The following PARN variants were observed in gnomAD, a reference collection of about 807,000 sequenced individuals.
The protein encoded by PARN is poly(A)-specific ribonuclease.
A neutral mutation model predicts 102.8 loss-of-function variants in PARN; 71 were observed. That is an observed-to-expected ratio of 0.69 (90% confidence interval 0.57 to 0.84). PARN has a LOEUF of 0.84. PARN is among the 40% of genes least tolerant of loss of function. PARN has a pLI of 0.00. For synonymous variants in PARN, 261 were observed against 252.9 expected (o/e 1.03, Z -0.30); for missense variants, 782 against 760.9 (o/e 1.03, Z -0.33).
chr16:14,491,780 A>G (rs917592913), intron 21 of PARN, among the ~76,000 whole-genome samples: 1 of 152,244 alleles, frequency 6.6e-6, no homozygotes, highest in African/African-American at 2.4e-5. Context: ...TCAAAAAAAA[A>G]GGAAAATAAA....
At chr16:14,563,784 G>A (rs1486101380) in intron 18 of PARN, among the ~76,000 whole-genome samples, 3 of 150,930 alleles carry the variant, frequency 2.0e-5, no homozygotes, top group Non-Finnish European at 4.4e-5. Context: ...ATTAGTAAAT[G>A]AAATAGACAC....
intron 23 of PARN, among the ~76,000 whole-genome samples, chr16:14,441,362 A>C (rs1387334159): frequency 1.3e-5 from 2 of 152,220 alleles, no homozygotes; most frequent in African/African-American, 4.8e-5. Context: ...CCTTTACCTA[A>C]CTGGAGTTGA....
chr16:14,560,514 C>T (rs190689557), intron 18 of PARN, among the ~76,000 whole-genome samples: 1 of 152,294 alleles, frequency 6.6e-6, no homozygotes, highest in Admixed American at 6.5e-5. Context: ...GCTAATTTTA[C>T]AAAAGAATTC....
At chr16:14,599,795 C>A in intron 12 of PARN, 109 bp downstream of exon 12, 2 of 667,270 alleles carry the variant, frequency 3.0e-6, no homozygotes, top group South Asian at 2.2e-5. Context: ...TTAGAATGTT[C>A]TAGGTAAACA....
intron 6 of PARN, among the ~76,000 whole-genome samples, chr16:14,613,713 T>C (rs952894150): frequency 1.3e-5 from 2 of 152,198 alleles, no homozygotes; most frequent in Admixed American, 1.3e-4. Context: ...CGATAATTGC[T>C]TAAAGCAAGA....
intron 19 of PARN, among the ~76,000 whole-genome samples, chr16:14,554,494 A>G (rs1783304819): frequency 6.6e-6 from 1 of 151,764 alleles, no homozygotes; most frequent in African/African-American, 2.4e-5. Flanking sequence ...ACAGTGGCAC[A>G]ATAATAGCTC....
intron 3 of PARN, 37 bp downstream of exon 3, chr16:14,628,135 A>G (rs1426408887): frequency 8.6e-7 from 1 of 1,168,988 alleles, no homozygotes; most frequent in Non-Finnish European, 1.3e-6. Flanking sequence ...GAAGACTAAC[A>G]TGAGAAAGAA....
chr16:14,607,219 A>G (rs562999825), intron 9 of PARN, among the ~76,000 whole-genome samples: 8 of 151,506 alleles, frequency 5.3e-5, no homozygotes, highest in African/African-American at 1.9e-4. Context: ...TTATTTATTT[A>G]TTTTTTTGAG....
chr16:14,498,852 T>C (rs1054908871), intron 21 of PARN, among the ~76,000 whole-genome samples: 1 of 152,234 alleles, frequency 6.6e-6, no homozygotes, highest in African/African-American at 2.4e-5. Context: ...ATTTTTATTT[T>C]CCACATCAAT....
chr16:14,630,238 C>A lies in PARN; in HGVS notation c.-113G>T. 2.1e-6 allele frequency: 2 copies of A among 933,604 alleles called. No homozygotes were observed. The highest frequency in any genetic ancestry group is 2.7e-5 in the Admixed American group (1 of 37,730). The allele number at this position is 933,604 out of a possible 1,614,324, so 57.8% of individuals were successfully genotyped here. A position where few individuals can be genotyped will look rare whatever the true frequency, so the allele number is the denominator to read the frequency against. On this transcript the variant is annotated 5_prime_UTR_variant, in exon 1 of 24. Coordinates refer to ENST00000437198, the MANE Select transcript of PARN (RefSeq NM_002582.4). ...GTAGCTGAGGCAGCCGCAGCGGTGACGCCGGCCGCGACTTCCGGAAACAGC... is the reference window on the plus strand; with the variant it reads ...GTAGCTGAGGCAGCCGCAGCGGTGAAGCCGGCCGCGACTTCCGGAAACAGC...
intron 22 of PARN, among the ~76,000 whole-genome samples, chr16:14,460,473 C>T (rs914738255): frequency 6.6e-6 from 1 of 152,196 alleles, no homozygotes; most frequent in African/African-American, 2.4e-5. Context: ...GTATTCTACA[C>T]TCGTACTCCT....
intron 21 of PARN, among the ~76,000 whole-genome samples, chr16:14,502,916 G>C (rs186834173): frequency 2.2e-3 from 334 of 152,250 alleles, no homozygotes; most frequent in Non-Finnish European, 3.1e-3. Context: ...TTTTACCAGA[G>C]ATCAGGGAGG....
At chr16:14,445,153 G>A (rs1384423109) in intron 23 of PARN, among the ~76,000 whole-genome samples, 1 of 151,912 alleles carries the variant, frequency 6.6e-6, no homozygotes, top group Non-Finnish European at 1.5e-5. Flanking sequence ...GTCAGGGAAA[G>A]GACAGGAGGT....
At chr16:14,494,038 T>TTCAA (rs1964187083) in intron 21 of PARN, among the ~76,000 whole-genome samples, 1 of 152,196 alleles carries the variant, frequency 6.6e-6, no homozygotes, top group Admixed American at 6.5e-5. Flanking sequence ...CAGATTATTT[T>TTCAA]TCAACCCAAC....
At chr16:14,480,462 T>C (rs1963317117) in intron 22 of PARN, among the ~76,000 whole-genome samples, 1 of 152,180 alleles carries the variant, frequency 6.6e-6, no homozygotes, top group Admixed American at 6.5e-5. Flanking sequence ...CCAGACTACA[T>C]ACAAGAACTA....
chr16:14,494,211 T>A (rs1964196510), intron 21 of PARN, among the ~76,000 whole-genome samples: 1 of 152,214 alleles, frequency 6.6e-6, no homozygotes, highest in African/African-American at 2.4e-5. Flanking sequence ...AATGAACGCC[T>A]GTATATTTCA....
intron 18 of PARN, among the ~76,000 whole-genome samples, chr16:14,572,195 G>C (rs1285525512): frequency 6.6e-6 from 1 of 152,112 alleles, no homozygotes; most frequent in Non-Finnish European, 1.5e-5. Flanking sequence ...CACCCTCCAG[G>C]GAGACAAGCT....
chr16:14,490,818 G>C (rs1233132810), intron 21 of PARN, among the ~76,000 whole-genome samples: 1 of 152,124 alleles, frequency 6.6e-6, no homozygotes, highest in Non-Finnish European at 1.5e-5. Context: ...GTTTGATCAA[G>C]TTTAAATTTA....
intron 21 of PARN, among the ~76,000 whole-genome samples, chr16:14,550,999 C>T (rs1208716029): frequency 6.6e-6 from 1 of 151,668 alleles, no homozygotes; most frequent in East Asian, 2.0e-4. Flanking sequence ...CTCACTCTGT[C>T]GCCCAGGCCA....
Sources: gnomAD v4.1 joint callset for allele counts (sites outside exome capture counted in the v4.1 genomes callset) on GRCh38, gnomAD v4.1.1 for gene constraint, MANE v1.5 for transcripts, NCBI Gene and HGNC (gene_info 2026-07-23, HGNC 2026-07-21) for gene names.